Variants in PHLPP1 observed in about 807,000 individuals in gnomAD.
PHLPP1 encodes the protein PH domain leucine-rich repeat-containing protein phosphatase 1.
A neutral mutation model predicts 117.2 loss-of-function variants in PHLPP1; 42 were observed. The observed-to-expected ratio is 0.36, with a 90% CI of 0.28 to 0.46. The LOEUF (loss-of-function observed/expected upper bound fraction) is 0.46. Ranked by LOEUF, PHLPP1 falls within the 20% of genes least tolerant of loss-of-function variation. The pLI is 1.00. For missense variants in PHLPP1, 2,084 were observed against 2,241.9 expected (o/e 0.93, Z 1.42); for synonymous variants, 1,042 against 970.7 (o/e 1.07, Z -1.37).
At chr18:62,884,062 A>G (rs1171032826) in intron 4 of PHLPP1, among the ~76,000 whole-genome samples, 1 of 152,252 alleles carries the variant, frequency 6.6e-6, no homozygotes, top group Non-Finnish European at 1.5e-5. Flanking sequence ...CCTAATGTCA[A>G]TCAGCGGAGG....
intron 1 of PHLPP1, among the ~76,000 whole-genome samples, chr18:62,821,385 C>T (rs1761524121): frequency 1.3e-5 from 2 of 151,452 alleles, no homozygotes; most frequent in South Asian, 4.2e-4. Flanking sequence ...CCTGTCTCTA[C>T]AAAAAGTACA....
In PHLPP1 at chr18:62,953,132, G is replaced by A. The variant is rs149563305; in HGVS notation, c.3325-5497G>A. Among the ~76,000 whole-genome samples, 226 of 152,302 alleles carry A rather than the reference G, an allele frequency of 1.5e-3. 1 individual carries two copies. The highest frequency in any genetic ancestry group is 5.2e-3 in the African/African-American group (216 of 41,564). ...ACTAAAAGTTGTATATTGAGAAATAGTACATATGTGTGCATATTTATTTTA... is the reference window on the plus strand; with the variant it reads ...ACTAAAAGTTGTATATTGAGAAATAATACATATGTGTGCATATTTATTTTA... On this transcript the variant is annotated intron_variant, in intron 12 of 16. Coordinates refer to ENST00000262719, the MANE Select transcript of PHLPP1 (RefSeq NM_194449.4).
intron 1 of PHLPP1, among the ~76,000 whole-genome samples, chr18:62,727,411 C>T (rs189148240): frequency 6.6e-6 from 1 of 151,850 alleles, no homozygotes; most frequent in Admixed American, 6.6e-5. Context: ...GAGTTCGAGA[C>T]CAGCCTTGGC....
intron 12 of PHLPP1, among the ~76,000 whole-genome samples, chr18:62,957,248 G>GCCCCTCTTTTTACAGTACAC (rs1415918672): frequency 6.6e-6 from 1 of 152,162 alleles, no homozygotes; most frequent in Admixed American, 6.5e-5. Context: ...CACAAGGGCA[G>GCCCCTCTTTTTACAGTACAC]CCCCTCTTTT....
chr18:62,939,440 A>G (rs1014336406), intron 10 of PHLPP1, among the ~76,000 whole-genome samples: 3 of 152,242 alleles, frequency 2.0e-5, no homozygotes, highest in Admixed American at 2.0e-4. Flanking sequence ...AAGGTGGTCT[A>G]AATGGGATCT....
At chr18:62,842,367 A>C (rs999574049) in intron 3 of PHLPP1, among the ~76,000 whole-genome samples, 5 of 149,180 alleles carry the variant, frequency 3.4e-5, no homozygotes, top group African/African-American at 1.2e-4. Flanking sequence ...GTAAATGCAG[A>C]CTTTTTTTTT....
chr18:62,959,555 T>C (rs1302359397), intron 13 of PHLPP1, among the ~76,000 whole-genome samples: 2 of 152,240 alleles, frequency 1.3e-5, no homozygotes, highest in Non-Finnish European at 2.9e-5. Flanking sequence ...CTTTAAACTT[T>C]TCTGAATTTT....
At chr18:62,717,595 G>A (rs1464898260) in intron 1 of PHLPP1, among the ~76,000 whole-genome samples, 1 of 152,118 alleles carries the variant, frequency 6.6e-6, no homozygotes, top group East Asian at 1.9e-4. Flanking sequence ...TGGGTTTCAG[G>A]CAGTTTGGGA....
rs1210419308 is a variant in PHLPP1 at position 62,941,735 on chromosome 18, C to T, written c.2978C>T (p.Ala993Val). Residue 993 changes from alanine to valine, a missense_variant, in exon 11 of 17, where the codon GCC becomes GTC. Around this residue, in one of 2 missense-constraint regions of PHLPP1, gnomAD observed 1,365 missense variants for 1,605.9 expected, o/e 0.85. Transcript: ENST00000262719. Reference protein sequence around the residue: ...MKADSLRFLNASANKLESLPP... With the variant: ...MKADSLRFLNVSANKLESLPP... ...CATTGTAGCCTGAGATTCCTGAACG[C>T]CTCTGCGAACAAACTGGAAAGCCTT... 6.2e-7 allele frequency: 1 copy of T among 1,613,000 alleles called. No homozygotes were observed.
intron 4 of PHLPP1, among the ~76,000 whole-genome samples, chr18:62,892,536 C>T (rs185675323): frequency 3.9e-4 from 59 of 151,976 alleles, no homozygotes; most frequent in African/African-American, 1.3e-3. Flanking sequence ...GTTAGGTGTG[C>T]GGAAGAAAGT....
At chr18:62,863,478 C>T (rs1915686083) in intron 4 of PHLPP1, among the ~76,000 whole-genome samples, 6 of 152,226 alleles carry the variant, frequency 3.9e-5, no homozygotes, top group Admixed American at 3.9e-4. Context: ...GCTGGGATTA[C>T]AGGCATGAGC....
At chr18:62,742,284 G>A (rs1009953850) in intron 1 of PHLPP1, among the ~76,000 whole-genome samples, 3 of 152,084 alleles carry the variant, frequency 2.0e-5, no homozygotes, top group Non-Finnish European at 4.4e-5. Flanking sequence ...CTATGTACAT[G>A]ACTTTCTTCA....
At chr18:62,809,633 C>T (rs367942566) in intron 1 of PHLPP1, among the ~76,000 whole-genome samples, 1 of 151,706 alleles carries the variant, frequency 6.6e-6, no homozygotes. Context: ...ACCTGGGAGG[C>T]GGAGCTTGCG....
chr18:62,965,552 C>T (rs1024324966), intron 14 of PHLPP1, among the ~76,000 whole-genome samples: 4 of 150,780 alleles, frequency 2.7e-5, no homozygotes, highest in Non-Finnish European at 4.4e-5. Flanking sequence ...TTCTGCCTCC[C>T]GGGTTCAAGT....
chr18:62,775,923 A>G (rs890192518), intron 1 of PHLPP1, among the ~76,000 whole-genome samples: 28 of 152,180 alleles, frequency 1.8e-4, no homozygotes, highest in African/African-American at 6.5e-4. Context: ...TTGCATTTCT[A>G]TAATTTTGTA....
Position 62,925,904 on chromosome 18 carries a change from C to CCAGTG in PHLPP1, c.2960+5794_2960+5798dup, listed in dbSNP as rs1313709937. On this transcript the variant is annotated intron_variant, in intron 10 of 16. Transcript: ENST00000262719. The stretch of plus-strand genomic sequence containing the variant: ...GTTTATCAAGGCTCCCCCAGTGACT[C>CCAGTG]CAGTGCAGATGGTCTGCTGAACACA... 2.0e-5 allele frequency among the ~76,000 whole-genome samples: 3 copies of CCAGTG among 152,268 alleles called. No individual in the cohort carries two copies. In the East Asian group the frequency reaches 5.8e-4, roughly 29 times the overall value.
chr18:62,925,561 A>C (rs1052983213), intron 10 of PHLPP1, among the ~76,000 whole-genome samples: 3 of 150,740 alleles, frequency 2.0e-5, no homozygotes, highest in African/African-American at 7.5e-5. Flanking sequence ...GGAACAGAAA[A>C]TTTAGAAGAG....
intron 1 of PHLPP1, among the ~76,000 whole-genome samples, chr18:62,720,967 C>G (rs904464696): frequency 1.3e-5 from 2 of 152,154 alleles, no homozygotes; most frequent in African/African-American, 4.8e-5. Context: ...CGTCGTATTT[C>G]CGTCCTCGGG....
intron 1 of PHLPP1, among the ~76,000 whole-genome samples, chr18:62,778,605 G>A (rs375887718): frequency 3.3e-5 from 5 of 152,186 alleles, no homozygotes; most frequent in African/African-American, 1.2e-4. Flanking sequence ...AGCTATTTAA[G>A]TGTAAGATTA....
Sources: gnomAD v4.1 joint callset for allele counts (sites outside exome capture counted in the v4.1 genomes callset) on GRCh38, gnomAD v4.1.1 for gene constraint, gnomAD v4.1.1 regional missense constraint, MANE v1.5 for transcripts, NCBI Gene and HGNC (gene_info 2026-07-23, HGNC 2026-07-21) for gene names.